RABEPK: variants seen among roughly 807,000 people sequenced by gnomAD.
The protein encoded by RABEPK is Rab9 effector protein with kelch motifs.
Under a neutral mutation model 34.1 loss-of-function variants are expected in RABEPK, and 27 were observed. The observed-to-expected ratio is 0.79, with a 90% CI of 0.58 to 1.09. RABEPK has a LOEUF of 1.09. Among genes scored for constraint, RABEPK ranks in the 50% least tolerant of loss-of-function variants. RABEPK has a pLI of 0.00. For synonymous variants in RABEPK, 172 were observed against 169.2 expected (o/e 1.02, Z -0.13); for missense variants, 449 against 462.6 (o/e 0.97, Z 0.27).
chr9:125,206,860 C>T (rs150858537), intron 2 of RABEPK, among the ~76,000 whole-genome samples: 8 of 152,210 alleles, frequency 5.3e-5, no homozygotes, highest in South Asian at 2.1e-4. Flanking sequence ...GAAGCCGAGG[C>T]GGGCGGATCA....
At chr9:125,206,617 A>G (rs1830242521) in intron 2 of RABEPK, among the ~76,000 whole-genome samples, 2 of 152,220 alleles carry the variant, frequency 1.3e-5, no homozygotes, top group Non-Finnish European at 2.9e-5. Context: ...AAGCTCTGAA[A>G]TCAGTAAATT....
intron 4 of RABEPK, among the ~76,000 whole-genome samples, chr9:125,219,552 C>T (rs746105392): frequency 1.5e-4 from 22 of 148,896 alleles, no homozygotes; most frequent in Non-Finnish European, 2.2e-4. Flanking sequence ...CACCACGACA[C>T]CTGGCTTTAT....
chr9:125,201,020 G>C, intron 1 of RABEPK, 114 bp downstream of exon 1: 1 of 360,748 alleles, frequency 2.8e-6, no homozygotes, highest in Non-Finnish European at 5.5e-6. Context: ...GATCTGACAG[G>C]CCCAGCCCTC....
chr9:125,227,672 C>A (rs1831858089), intron 5 of RABEPK, among the ~76,000 whole-genome samples: 1 of 151,740 alleles, frequency 6.6e-6, no homozygotes, highest in African/African-American at 2.4e-5. Context: ...CTCAGGTGAT[C>A]CACCTGTCTC....
intron 3 of RABEPK, among the ~76,000 whole-genome samples, chr9:125,209,766 G>T (rs1830469104): frequency 6.6e-6 from 1 of 152,132 alleles, no homozygotes; most frequent in Non-Finnish European, 1.5e-5. Flanking sequence ...AGATCCCTCT[G>T]CTAGGAATGT....
Position 125,233,687 on chromosome 9 carries a change from G to A in RABEPK, c.827-1G>A. 2 of 1,610,844 alleles carry A rather than the reference G, an allele frequency of 1.2e-6. No homozygotes were observed. Among genetic ancestry groups the A allele is most frequent in the Non-Finnish European group, 1.7e-6 (2 of 1,177,570 alleles). On this transcript the variant is annotated splice_acceptor_variant, in intron 7 of 7. Coordinates refer to ENST00000373538, the MANE Select transcript of RABEPK (RefSeq NM_005833.4). LOFTEE classifies it high-confidence loss of function. ...TGAAGCCTTTTCCCTCCCCAACATA[G>A]AAGAGCAGCATTGGACCTTGCTTAA...
intron 6 of RABEPK, among the ~76,000 whole-genome samples, chr9:125,230,971 C>T (rs535208107): frequency 6.6e-6 from 1 of 152,166 alleles, no homozygotes; most frequent in East Asian, 1.9e-4. Context: ...CCAAGTAGTT[C>T]TCTAAATCTA....
At chr9:125,223,680 G>A (rs1413060167) in intron 5 of RABEPK, among the ~76,000 whole-genome samples, 10 of 140,802 alleles carry the variant, frequency 7.1e-5, no homozygotes, top group Non-Finnish European at 1.5e-4. Flanking sequence ...AGCCATAATT[G>A]CACCACTGCA....
intron 5 of RABEPK, among the ~76,000 whole-genome samples, chr9:125,223,743 A>G (rs1215237746): frequency 6.6e-6 from 1 of 151,612 alleles, no homozygotes; most frequent in African/African-American, 2.4e-5. Flanking sequence ...AAAAAAAAAA[A>G]AAAATGCTAT....
intron 3 of RABEPK, among the ~76,000 whole-genome samples, chr9:125,209,057 C>CA (rs1554727132): frequency 2.5e-5 from 3 of 121,744 alleles, no homozygotes; most frequent in African/African-American, 9.2e-5. Context: ...CTCAACCTCC[C>CA]TTTTTTTTTT....
intron 1 of RABEPK, 33 bp from the exon 2 acceptor site, chr9:125,202,975 T>G: frequency 6.4e-7 from 1 of 1,573,250 alleles, no homozygotes. Context: ...TAATCATAAG[T>G]GTCTAAAAAG....
chr9:125,220,444 T>C (rs770927938), intron 4 of RABEPK, 95 bp from the exon 5 acceptor site: 13 of 1,519,226 alleles, frequency 8.6e-6, no homozygotes, highest in African/African-American at 2.8e-5. Context: ...CCCCTGGGGA[T>C]TGGAGTTTGG....
intron 3 of RABEPK, among the ~76,000 whole-genome samples, chr9:125,211,686 T>C (rs1023157005): frequency 6.6e-6 from 1 of 151,934 alleles, no homozygotes; most frequent in Non-Finnish European, 1.5e-5. Context: ...ACTAAAAAAA[T>C]CAAAGGTAGG....
intron 3 of RABEPK, among the ~76,000 whole-genome samples, chr9:125,212,901 C>G (rs1400605206): frequency 6.6e-6 from 1 of 152,054 alleles, no homozygotes; most frequent in Non-Finnish European, 1.5e-5. Flanking sequence ...ATCTCCTGAC[C>G]TCGTGATCCG....
At chr9:125,214,359 C>T (rs116718944) in intron 4 of RABEPK, among the ~76,000 whole-genome samples, 5 of 152,060 alleles carry the variant, frequency 3.3e-5, no homozygotes, top group African/African-American at 9.7e-5. Context: ...TATATCCTGT[C>T]GTGCCTAAGA....
intron 7 of RABEPK, among the ~76,000 whole-genome samples, 180 bp downstream of exon 7, chr9:125,232,925 A>C (rs572522421): frequency 6.6e-6 from 1 of 152,020 alleles, no homozygotes; most frequent in South Asian, 2.1e-4. Flanking sequence ...AAATACAAAA[A>C]ATTAGCCAGG....
intron 7 of RABEPK, 124 bp downstream of exon 7, chr9:125,232,869 A>G (rs1050852733): frequency 2.1e-5 from 20 of 963,698 alleles, no homozygotes; most frequent in Non-Finnish European, 2.3e-5. Context: ...CGAGGTCAGG[A>G]GATCGAGACC....
At chr9:125,209,303 C>G (rs1371372295) in intron 3 of RABEPK, among the ~76,000 whole-genome samples, 2 of 151,658 alleles carry the variant, frequency 1.3e-5, no homozygotes, top group African/African-American at 2.4e-5. Flanking sequence ...TGGTGATCCT[C>G]CCGCCTCATC....
chr9:125,216,604 T>C (rs1482917728), intron 4 of RABEPK, among the ~76,000 whole-genome samples: 3 of 152,086 alleles, frequency 2.0e-5, no homozygotes, highest in Non-Finnish European at 4.4e-5. Context: ...CTGTGGAACA[T>C]AAGCGCTTTG....
Sources: allele counts gnomAD v4.1 joint callset (sites outside exome capture counted in the v4.1 genomes callset), GRCh38; gene constraint gnomAD v4.1.1; transcripts MANE v1.5; gene names NCBI Gene and HGNC (gene_info 2026-07-23, HGNC 2026-07-21).